Variants in PPP1R9A observed in about 807,000 individuals in gnomAD.
PPP1R9A encodes protein phosphatase 1 regulatory subunit 9A, also known as neurabin-1.
PPP1R9A carries 59 observed loss-of-function variants against 141.9 expected under a neutral mutation model. That is an observed-to-expected ratio of 0.42 (90% CI 0.34 to 0.52). The LOEUF (loss-of-function observed/expected upper bound fraction) is 0.52. Among genes scored for constraint, PPP1R9A ranks in the 20% least tolerant of loss-of-function variants. PPP1R9A has a pLI of 0.10. For synonymous variants in PPP1R9A, 500 were observed against 569.7 expected (o/e 0.88, Z 1.74); for missense variants, 1,444 against 1,611.9 (o/e 0.90, Z 1.78).
At chr7:94,980,342 G>A (rs748574813) in intron 2 of PPP1R9A, among the ~76,000 whole-genome samples, 5 of 152,166 alleles carry the variant, frequency 3.3e-5, no homozygotes, top group East Asian at 1.9e-4. Flanking sequence ...ATTTATGTGC[G>A]TGTGTGTGTA....
At chr7:95,132,649 G>T (rs1824867216) in intron 4 of PPP1R9A, among the ~76,000 whole-genome samples, 1 of 152,072 alleles carries the variant, frequency 6.6e-6, no homozygotes, top group Non-Finnish European at 1.5e-5. Flanking sequence ...AATCTCTGCG[G>T]CCGATGTCTC....
At chr7:95,074,476 TTTTG>T (rs778168663) in intron 2 of PPP1R9A, among the ~76,000 whole-genome samples, 23 of 109,212 alleles carry the variant, frequency 2.1e-4, no homozygotes, top group Non-Finnish European at 2.3e-4. Context: ...TTTTTTTTTT[TTTTG>T]TTGTTTTTTT....
At chr7:94,949,864 C>T (rs1319542349) in intron 2 of PPP1R9A, among the ~76,000 whole-genome samples, 1 of 149,948 alleles carries the variant, frequency 6.7e-6, no homozygotes, top group African/African-American at 2.4e-5. Flanking sequence ...CAAAATGGTT[C>T]ATGCTTCAAA....
At chr7:95,189,407 T>A (rs1249329680) in intron 5 of PPP1R9A, among the ~76,000 whole-genome samples, 2 of 151,394 alleles carry the variant, frequency 1.3e-5, no homozygotes, top group Admixed American at 6.6e-5. Context: ...AACATAATCC[T>A]AAATTTTTTG....
chr7:95,202,492 A>T, intron 6 of PPP1R9A: 2 of 426,686 alleles, frequency 4.7e-6, no homozygotes, highest in Non-Finnish European at 6.3e-6. Context: ...TTCATGATTT[A>T]ATTTCTGTTT....
At chr7:95,037,704 C>T (rs1345816953) in intron 2 of PPP1R9A, among the ~76,000 whole-genome samples, 10 of 151,932 alleles carry the variant, frequency 6.6e-5, no homozygotes, top group African/African-American at 9.7e-5. Flanking sequence ...TGTGTGCGTG[C>T]GCGCGTGTGT....
chr7:95,086,058 C>T (rs947343819), intron 2 of PPP1R9A, among the ~76,000 whole-genome samples: 2 of 151,350 alleles, frequency 1.3e-5, no homozygotes, highest in Middle Eastern at 6.8e-3. Context: ...CAATTCCTCT[C>T]CCCCAAATTT....
chr7:94,963,397 G>T (rs534780912), intron 2 of PPP1R9A, among the ~76,000 whole-genome samples: 1 of 152,170 alleles, frequency 6.6e-6, no homozygotes, highest in African/African-American at 2.4e-5. Flanking sequence ...AAAATTTTTA[G>T]TATACTTGCA....
intron 2 of PPP1R9A, among the ~76,000 whole-genome samples, chr7:95,074,147 G>A (rs953827306): frequency 5.3e-5 from 8 of 152,142 alleles, no homozygotes; most frequent in Non-Finnish European, 1.2e-4. Context: ...ATCTCATAGA[G>A]TTGATGTGAG....
intron 2 of PPP1R9A, among the ~76,000 whole-genome samples, chr7:94,976,719 G>A (rs902543418): frequency 2.6e-5 from 4 of 152,056 alleles, no homozygotes; most frequent in Non-Finnish European, 4.4e-5. Flanking sequence ...TCAGCCTCAG[G>A]GAATGTTTTA....
intron 8 of PPP1R9A, among the ~76,000 whole-genome samples, chr7:95,241,014 TA>T (rs1797375703): frequency 6.6e-6 from 1 of 152,124 alleles, no homozygotes; most frequent in Non-Finnish European, 1.5e-5. Context: ...TCAGGAGGGA[TA>T]TTTAGGTGCC....
intron 2 of PPP1R9A, among the ~76,000 whole-genome samples, chr7:94,953,326 T>C (rs903702650): frequency 6.6e-6 from 1 of 151,824 alleles, no homozygotes; most frequent in Non-Finnish European, 1.5e-5. Context: ...TATATCTGTT[T>C]TGGGTAGCAG....
At chr7:95,179,080 C>G (rs77294962) in intron 5 of PPP1R9A, among the ~76,000 whole-genome samples, 4 of 152,102 alleles carry the variant, frequency 2.6e-5, no homozygotes, top group African/African-American at 9.6e-5. Flanking sequence ...AAAAAAGAAA[C>G]TGAAGACCAA....
chr7:95,038,758 C>G (rs1808804040), intron 2 of PPP1R9A, among the ~76,000 whole-genome samples: 1 of 152,136 alleles, frequency 6.6e-6, no homozygotes, highest in Non-Finnish European at 1.5e-5. Flanking sequence ...TTAGTATAAT[C>G]AGAGATTATA....
chr7:95,003,769 G>T (rs745373298), intron 2 of PPP1R9A, among the ~76,000 whole-genome samples: 1 of 152,182 alleles, frequency 6.6e-6, no homozygotes, highest in African/African-American at 2.4e-5. Flanking sequence ...CCTAGGCATG[G>T]TTAATTGGAT....
Position 95,277,603 on chromosome 7 carries a change from A to C in PPP1R9A, c.3296+3435A>C, listed in dbSNP as rs570291956. The stretch of plus-strand genomic sequence containing the variant: ...TGCCACCATGTCCAGCTTAAAAAAA[A>C]AATTGTAGAGGTGGGGTCTTGCTAT... On this transcript the variant is annotated intron_variant, in intron 16 of 19. Transcript: ENST00000433360. Among the ~76,000 whole-genome samples, 3 of 152,070 alleles carry C rather than the reference A, an allele frequency of 2.0e-5. No individual in the cohort carries two copies. In the South Asian group the frequency reaches 6.2e-4, roughly 32 times the overall value.
chr7:94,959,188 A>G (rs1468347261), intron 2 of PPP1R9A, among the ~76,000 whole-genome samples: 1 of 151,870 alleles, frequency 6.6e-6, no homozygotes, highest in Admixed American at 6.6e-5. Context: ...ATAACTACCT[A>G]TAGTTGGAGG....
chr7:94,932,429 T>C (rs867885671), intron 2 of PPP1R9A, among the ~76,000 whole-genome samples: 3 of 152,294 alleles, frequency 2.0e-5, no homozygotes, highest in Non-Finnish European at 2.9e-5. Context: ...GTCAGACCCC[T>C]TGTTTTTGTG....
Position 95,292,135 on chromosome 7 carries a change from G to GT in PPP1R9A, c.*1837dup, listed in dbSNP as rs35405225. ...TTACAGTTATCAAAGTCACCATTATGTTTTTCTGTCTGTCTTCATTAGGGG... is the reference window on the plus strand; with the variant it reads ...TTACAGTTATCAAAGTCACCATTATGTTTTTTCTGTCTGTCTTCATTAGGGG... On this transcript the variant is annotated 3_prime_UTR_variant, in exon 20 of 20. Coordinates refer to ENST00000433360, the MANE Select transcript of PPP1R9A (RefSeq NM_001166160.2). 3 of 152,024 alleles carry GT rather than the reference G, an allele frequency of 2.0e-5. No individual in the cohort carries two copies. The highest frequency in any genetic ancestry group is 4.4e-5 in the Non-Finnish European group (3 of 67,992). The allele number at this position is 152,024 out of a possible 1,614,324, so 9.4% of individuals were successfully genotyped here.
Sources: gnomAD v4.1 joint callset for allele counts (sites outside exome capture counted in the v4.1 genomes callset) on GRCh38, gnomAD v4.1.1 for gene constraint, MANE v1.5 for transcripts, NCBI Gene and HGNC (gene_info 2026-07-23, HGNC 2026-07-21) for gene names.